The following RALYL variants were observed in gnomAD, a reference collection of about 807,000 sequenced individuals.
The protein encoded by RALYL is RALY RNA binding protein like.
In RALYL, 29 loss-of-function variants were observed where a neutral mutation model predicts 35.1. The ratio of observed to expected loss-of-function variants is 0.83; its 90% CI spans 0.61 to 1.13. The LOEUF (loss-of-function observed/expected upper bound fraction) is 1.13. Ranked by LOEUF, RALYL falls within the 50% of genes most tolerant of loss-of-function variation. The probability of loss-of-function intolerance (pLI) is 0.00; values close to 1 mark genes in which losing one functional copy is unlikely to be tolerated. For missense variants in RALYL, 359 were observed against 360.4 expected, an observed-to-expected ratio of 1.00 and a Z score of 0.03; for synonymous variants, 120 against 127.6, an observed-to-expected ratio of 0.94 and a Z score of 0.40.
chr8:84,731,819 C>G (rs1846229749), intron 2 of RALYL, among the ~76,000 whole-genome samples: 1 of 152,122 alleles, frequency 6.6e-6, no homozygotes, highest in African/African-American at 2.4e-5. Flanking sequence ...CCTTCAGTGA[C>G]CAAAAGATAT....
intron 2 of RALYL, among the ~76,000 whole-genome samples, chr8:84,772,723 T>G (rs1815857202): frequency 6.6e-6 from 1 of 152,126 alleles, no homozygotes; most frequent in Admixed American, 6.5e-5. Flanking sequence ...TAATAATCTG[T>G]GGATGCTTTA....
intron 2 of RALYL, among the ~76,000 whole-genome samples, chr8:84,709,804 T>C (rs1340027384): frequency 6.6e-6 from 1 of 152,166 alleles, no homozygotes; most frequent in Non-Finnish European, 1.5e-5. Flanking sequence ...CTCATGCCTG[T>C]AATCCCAGCA....
intron 1 of RALYL, among the ~76,000 whole-genome samples, chr8:84,327,769 T>C (rs1235066655): frequency 6.6e-6 from 1 of 152,178 alleles, no homozygotes; most frequent in Non-Finnish European, 1.5e-5. Context: ...ATGGGAGTTC[T>C]TTTAAAAAAG....
intron 2 of RALYL, among the ~76,000 whole-genome samples, chr8:84,759,396 CTTTCAGAATA>C (rs2133341990): frequency 6.6e-6 from 1 of 152,232 alleles, no homozygotes; most frequent in African/African-American, 2.4e-5. Flanking sequence ...AGGTCCAGTC[CTTTCAGAATA>C]TTTATTAAAG....
chr8:84,434,162 G>A (rs1261967956), intron 1 of RALYL, among the ~76,000 whole-genome samples: 2 of 151,984 alleles, frequency 1.3e-5, no homozygotes, highest in Non-Finnish European at 2.9e-5. Context: ...TCTTCTCACT[G>A]TATTGTCACA....
At chr8:84,887,885 A>C in intron 8 of RALYL, 109 bp downstream of exon 8, 3 of 954,578 alleles carry the variant, frequency 3.1e-6, no homozygotes, top group Non-Finnish European at 4.8e-6. Flanking sequence ...TATTTCTCTT[A>C]TATGCATATA....
At chr8:84,624,342 G>A (rs116282798) in intron 2 of RALYL, among the ~76,000 whole-genome samples, 172 of 152,300 alleles carry the variant, frequency 1.1e-3, no homozygotes, top group African/African-American at 4.1e-3. Flanking sequence ...CTGGGCTAAA[G>A]TCAAAGTTTC....
intron 1 of RALYL, among the ~76,000 whole-genome samples, chr8:84,514,177 G>T (rs1024939965): frequency 1.3e-5 from 2 of 148,834 alleles, no homozygotes; most frequent in Non-Finnish European, 3.0e-5. Flanking sequence ...GTGACACCTA[G>T]ATCTTCTGAC....
At chr8:84,539,011 T>C (rs938684762) in intron 2 of RALYL, among the ~76,000 whole-genome samples, 3 of 152,224 alleles carry the variant, frequency 2.0e-5, no homozygotes, top group Admixed American at 1.3e-4. Flanking sequence ...AGAAAATCTT[T>C]ATAGGCTGCA....
rs184978873 is a variant in RALYL, at chr8:84,673,402, T to G, written c.257-101177T>G. Among the ~76,000 whole-genome samples, 133 of 152,322 alleles carry G rather than the reference T, an allele frequency of 8.7e-4. 1 individual carries two copies. Among genetic ancestry groups the G allele is most frequent in the Non-Finnish European group, 9.8e-4 (67 of 68,036 alleles). ...AATCTCATTTTTTCAATTTTTGCTT[T>G]TGTTGCAATTGCTTTGGGTGTCTTT... On this transcript the variant is annotated intron_variant, in intron 2 of 8. Transcript: ENST00000521268.
chr8:84,389,870 C>A (rs1270583100), intron 1 of RALYL, among the ~76,000 whole-genome samples: 1 of 151,366 alleles, frequency 6.6e-6, no homozygotes, highest in Non-Finnish European at 1.5e-5. Flanking sequence ...GCCAGAACTT[C>A]CAACAGTATG....
At chr8:84,257,923 C>A (rs1563622491) in intron 1 of RALYL, among the ~76,000 whole-genome samples, 1 of 152,202 alleles carries the variant, frequency 6.6e-6, no homozygotes, top group East Asian at 1.9e-4. Flanking sequence ...TTGGATAAAA[C>A]TGCCTTTAAG....
At chr8:84,707,766 G>A (rs982776462) in intron 2 of RALYL, among the ~76,000 whole-genome samples, 5 of 152,074 alleles carry the variant, frequency 3.3e-5, no homozygotes, top group African/African-American at 9.7e-5. Flanking sequence ...AGAAAGCTTA[G>A]CAATAAAAGC....
chr8:84,217,294 T>A (rs1382231928), intron 1 of RALYL, among the ~76,000 whole-genome samples: 3 of 152,094 alleles, frequency 2.0e-5, no homozygotes, highest in Non-Finnish European at 4.4e-5. Flanking sequence ...TGTCAATATG[T>A]TTTATTAGTC....
intron 1 of RALYL, among the ~76,000 whole-genome samples, chr8:84,423,435 A>G (rs1293247308): frequency 9.2e-5 from 14 of 151,586 alleles, no homozygotes; most frequent in African/African-American, 2.7e-4. Flanking sequence ...TTTTGAGCCT[A>G]TGTGTGTCTC....
At chr8:84,688,425 C>G (rs868793914) in intron 2 of RALYL, among the ~76,000 whole-genome samples, 1 of 151,932 alleles carries the variant, frequency 6.6e-6, no homozygotes, top group Non-Finnish European at 1.5e-5. Flanking sequence ...GAAATACAAC[C>G]ACACATATGT....
chr8:84,245,242 C>T (rs746964828), intron 1 of RALYL, among the ~76,000 whole-genome samples: 3 of 152,044 alleles, frequency 2.0e-5, no homozygotes, highest in South Asian at 4.1e-4. Context: ...GCAAAATTCT[C>T]GGAAAGGTAA....
chr8:84,463,392 T>G (rs1261807808), intron 1 of RALYL, among the ~76,000 whole-genome samples: 1 of 152,084 alleles, frequency 6.6e-6, no homozygotes, highest in African/African-American at 2.4e-5. Context: ...AAATTAACAT[T>G]TGCCTGTTGG....
intron 1 of RALYL, among the ~76,000 whole-genome samples, chr8:84,513,337 G>T (rs1047542615): frequency 6.6e-6 from 1 of 151,816 alleles, no homozygotes; most frequent in African/African-American, 2.4e-5. Flanking sequence ...TTGATTTTTT[G>T]TGAGTTGATT....
Sources: gnomAD v4.1 joint callset for allele counts (sites outside exome capture counted in the v4.1 genomes callset) on GRCh38, gnomAD v4.1.1 for gene constraint, MANE v1.5 for transcripts, NCBI Gene and HGNC (gene_info 2026-07-23, HGNC 2026-07-21) for gene names.